GUK1: variants seen among roughly 807,000 people sequenced by gnomAD.
The protein encoded by GUK1 is guanylate kinase.
In GUK1, 18 loss-of-function variants were observed where a neutral mutation model predicts 25.2. That is an observed-to-expected ratio of 0.71 (90% CI 0.49 to 1.06). GUK1 has a LOEUF of 1.06. Ranked by LOEUF, GUK1 falls within the 50% of genes least tolerant of loss-of-function variation. The probability of loss-of-function intolerance (pLI) is 0.00; values close to 1 mark genes in which losing one functional copy is unlikely to be tolerated. For missense variants in GUK1, 261 were observed against 276.7 expected (o/e 0.94, Z 0.40); for synonymous variants, 105 against 117.6 (o/e 0.89, Z 0.69).
intron 2 of GUK1, among the ~76,000 whole-genome samples, chr1:228,142,809 C>T (rs1052432498): frequency 2.6e-5 from 4 of 151,134 alleles, no homozygotes; most frequent in Admixed American, 6.6e-5. Flanking sequence ...GGTTTGGGGC[C>T]GAGGAGGGGA....
Position 228,141,143 on chromosome 1 carries a change from T to C in GUK1, c.-148T>C. 1.0e-6 allele frequency: 1 copy of C among 985,730 alleles called. No individual in the cohort carries two copies. Among genetic ancestry groups the C allele is most frequent in the Non-Finnish European group, 1.2e-6 (1 of 830,162 alleles). The allele number at this position is 985,730 out of a possible 1,614,324, so 61.1% of individuals were successfully genotyped here. A position where few individuals can be genotyped will look rare whatever the true frequency, so the allele number is the denominator to read the frequency against. ...TCTCAGGCTTGCTCTGCTCTTTACCTGGGGTTGCTGTCGAGGACCCTGTGC... is the reference window on the plus strand; with the variant it reads ...TCTCAGGCTTGCTCTGCTCTTTACCCGGGGTTGCTGTCGAGGACCCTGTGC... On this transcript the variant is annotated 5_prime_UTR_variant, in exon 2 of 9. Coordinates refer to ENST00000312726, the MANE Select transcript of GUK1 (RefSeq NM_000858.7).
intron 7 of GUK1, chr1:228,148,054 A>C: frequency 1.7e-6 from 1 of 573,570 alleles, no homozygotes; most frequent in Non-Finnish European, 3.1e-6. Flanking sequence ...TCTGGGTCTG[A>C]CTGCAGCCCA....
At position 228,148,382 on chromosome 1, in the gene GUK1, G is replaced by A. The variant is rs745590424; in HGVS notation, c.487G>A (p.Gly163Ser). 11 of 1,553,886 alleles carry A rather than the reference G, an allele frequency of 7.1e-6. No individual in the cohort carries two copies. The highest frequency in any genetic ancestry group is 5.9e-5 in the South Asian group (5 of 84,692). The change falls in exon 8 of 9, where the codon GGC (glycine) becomes AGC (serine). Residue 163 changes from glycine to serine, a missense_variant. Transcript: ENST00000312726. ...GGCCCCACCCACAGGCAAGGAGCCC[G>A]GCCTGTTTGATGTGGTCATCATTAA...
At chr1:228,141,567 GC>G (rs2034053557) in intron 2 of GUK1, 1 of 895,910 alleles carries the variant, frequency 1.1e-6, no homozygotes, top group Non-Finnish European at 1.4e-6. Flanking sequence ...AGAAGGTCAA[GC>G]CCTCTGTTAG....
intron 3 of GUK1, 72 bp from the exon 3 acceptor site, chr1:228,145,954 A>T: frequency 9.0e-7 from 1 of 1,113,058 alleles, no homozygotes. Context: ...TGCTGTCGGG[A>T]CTGCAAGGGA....
rs771068688 is a variant in GUK1, at chr1:228,147,495, A to G, written c.341A>G (p.Asp114Gly). 6.2e-7 allele frequency: 1 copy of G among 1,613,252 alleles called. No homozygotes were observed. Among genetic ancestry groups the G allele is most frequent in the Non-Finnish European group, 8.5e-7 (1 of 1,179,956 alleles). Residue 114 changes from aspartate (D) to glycine (G), a missense_variant, in exon 6 of 9, where the codon GAT (aspartate) becomes GGT (glycine). Asp to Gly is a moderately conservative substitution (Grantham distance 94, BLOSUM62 -1). Transcript: ENST00000312726. The stretch of plus-strand genomic sequence containing the variant: ...GGTGTGCGGAACATCAAGGCCACCG[A>G]TCTGCGGCCCATCTACATCTCTGTG...
intron 5 of GUK1, 103 bp downstream of exon 4, chr1:228,147,041 G>A: frequency 2.4e-6 from 2 of 818,562 alleles, no homozygotes; most frequent in Admixed American, 3.7e-5. Flanking sequence ...CCCACCCCAT[G>A]GTTATGAATG....
In GUK1 at chr1:228,148,359, C is replaced by T; in HGVS notation, c.476-12C>T. On this transcript the variant is annotated splice_polypyrimidine_tract_variant and intron_variant, in intron 7 of 8. Transcript: ENST00000312726. ...GGGCTCACTGTGCCCTGACCCCAGGCCCCACCCACAGGCAAGGAGCCCGGC... is the reference window on the plus strand; with the variant it reads ...GGGCTCACTGTGCCCTGACCCCAGGTCCCACCCACAGGCAAGGAGCCCGGC... The T allele has an allele frequency of 6.4e-7, 1 of 1,554,428 alleles. No individual in the cohort carries two copies. Among genetic ancestry groups the T allele is most frequent in the Non-Finnish European group, 8.8e-7 (1 of 1,141,126 alleles).
intron 2 of GUK1, among the ~76,000 whole-genome samples, chr1:228,143,682 G>T (rs1365126832): frequency 6.6e-6 from 1 of 152,186 alleles, no homozygotes; most frequent in African/African-American, 2.4e-5. Context: ...AAGAACCCTG[G>T]CCACTGCAGT....
In GUK1 at chr1:228,148,408, C is replaced by T. The variant is rs139800220; in HGVS notation, c.513C>T (p.Asn171=). Residue 171 remains asparagine, a synonymous_variant, in exon 8 of 9, where the codon AAC becomes AAT. Coordinates refer to ENST00000312726, the MANE Select transcript of GUK1 (RefSeq NM_000858.7). ...GCCTGTTTGATGTGGTCATCATTAACGACAGCCTGGACCAGGCCTACGCAG... is the reference window on the plus strand; with the variant it reads ...GCCTGTTTGATGTGGTCATCATTAATGACAGCCTGGACCAGGCCTACGCAG... 1.6e-5 allele frequency: 25 copies of T among 1,559,414 alleles called. No homozygotes were observed. The highest frequency in any genetic ancestry group is 2.7e-5 in the African/African-American group (2 of 73,304).
At chr1:228,148,582 G>T in intron 8 of GUK1, 83 bp from the exon 8 acceptor site, 1 of 1,411,264 alleles carries the variant, frequency 7.1e-7, no homozygotes, top group Non-Finnish European at 9.9e-7. Context: ...ATGAGACACC[G>T]AGGTCCACGG....
chr1:228,146,910 G>C lies in GUK1; in HGVS notation c.223G>C (p.Glu75Gln). 6.2e-7 allele frequency: 1 copy of C among 1,613,560 alleles called. No individual in the cohort carries two copies. The highest frequency in any genetic ancestry group is 8.5e-7 in the Non-Finnish European group (1 of 1,179,516). Residue 75 changes from glutamate to glutamine, a missense_variant, in exon 5 of 9, where the codon GAG (glutamate) becomes CAG (glutamine). By Grantham distance (29) the Glu-to-Gln change is conservative. Coordinates refer to ENST00000312726, the MANE Select transcript of GUK1 (RefSeq NM_000858.7). ...AGCCGGCGACTTCATCGAGCATGCC[G>C]AGTTCTCGGGGAACCTGTATGGCAC... is the stretch of plus-strand genomic sequence containing the variant.
rs1276330648 is a variant in GUK1, at chr1:228,146,880, A to G, written c.193A>G (p.Ile65Val). 4 of 1,613,888 alleles carry G rather than the reference A, an allele frequency of 2.5e-6. No homozygotes were observed. The highest frequency in any genetic ancestry group is 2.2e-5 in the South Asian group (2 of 91,084). ...AACCAGGGAGGTGATGCAGCGTGAC[A>G]TAGCAGCCGGCGACTTCATCGAGCA... is the stretch of plus-strand genomic sequence containing the variant. The change falls in exon 5 of 9, where the codon ATA becomes GTA. Residue 65 changes from isoleucine (I) to valine (V), a missense_variant. Physicochemically the swap from Ile to Val is conservative, Grantham distance 29. Coordinates refer to ENST00000312726, the MANE Select transcript of GUK1 (RefSeq NM_000858.7).
At chr1:228,145,928 C>T (rs2034342563) in intron 3 of GUK1, 98 bp from the exon 3 acceptor site, 4 of 909,962 alleles carry the variant, frequency 4.4e-6, no homozygotes, top group Non-Finnish European at 7.3e-6. Context: ...TGGCTGCCTG[C>T]ATCCTGGGGC....
chr1:228,144,725 A>C (rs576273893), intron 2 of GUK1: 3 of 985,384 alleles, frequency 3.0e-6, no homozygotes, highest in South Asian at 9.4e-5. Flanking sequence ...CCCCAGGCTG[A>C]CTACAGAGGC....
intron 2 of GUK1, chr1:228,141,656 A>T: frequency 8.2e-7 from 1 of 1,219,654 alleles, no homozygotes; most frequent in African/African-American, 1.6e-5. Flanking sequence ...CAGAAGGAGG[A>T]GATTATGCCG....
intron 2 of GUK1, chr1:228,144,700 C>T: frequency 2.0e-6 from 2 of 984,688 alleles, no homozygotes; most frequent in Non-Finnish European, 2.4e-6. Context: ...GCTCTCAGTC[C>T]AGCAGACAGA....
At chr1:228,146,606 T>C in intron 4 of GUK1, 1 of 535,548 alleles carries the variant, frequency 1.9e-6, no homozygotes, top group Non-Finnish European at 3.4e-6. Flanking sequence ...AACTCCCCAC[T>C]GGAACCCAGC....
chr1:228,146,071 A>G lies in GUK1; in HGVS notation c.154+4A>G. ...CCCGGCGAGGAGAACGGCAAAGGTG[A>G]GTGGGGTGGGGCCCTATGGCTGGAG... is the stretch of plus-strand genomic sequence containing the variant. On this transcript the variant is annotated splice_donor_region_variant and intron_variant, in intron 4 of 8. Transcript: ENST00000312726. The G allele has an allele frequency of 6.2e-7, 1 of 1,604,544 alleles. No individual in the cohort carries two copies. The highest frequency in any genetic ancestry group is 1.1e-5 in the South Asian group (1 of 90,872).
Sources: allele counts gnomAD v4.1 joint callset (sites outside exome capture counted in the v4.1 genomes callset), GRCh38; gene constraint gnomAD v4.1.1; transcripts MANE v1.5; gene names NCBI Gene and HGNC (gene_info 2026-07-23, HGNC 2026-07-21).